Variants in APEH observed in about 807,000 individuals in gnomAD.
APEH encodes the protein acylamino-acid-releasing enzyme.
APEH carries 75 observed loss-of-function variants against 102.7 expected under a neutral mutation model. That is an observed-to-expected ratio of 0.73 (90% confidence interval 0.61 to 0.89). The LOEUF is 0.89. APEH is among the 40% of genes least tolerant of loss of function. The probability of loss-of-function intolerance (pLI) is 0.00; values close to 1 mark genes in which losing one functional copy is unlikely to be tolerated. For synonymous variants in APEH, 344 were observed against 362.7 expected, an observed-to-expected ratio of 0.95 and a Z score of 0.59; for missense variants, 863 against 941.2, an observed-to-expected ratio of 0.92 and a Z score of 1.09.
chr3:49,679,153 G>A lies in APEH; in HGVS notation c.1158+204G>A, dbSNP rs1024950060. 6.6e-6 allele frequency among the ~76,000 whole-genome samples: 1 copy of A among 152,120 alleles called. No homozygotes were observed. The highest frequency in any genetic ancestry group is 1.5e-5 in the Non-Finnish European group (1 of 68,010). ...ACCACAGCAGAACTCAGGCCTTTTCGTCTGAGGCAGAGATGCAACCCCTCC... is the reference window on the plus strand; with the variant it reads ...ACCACAGCAGAACTCAGGCCTTTTCATCTGAGGCAGAGATGCAACCCCTCC... On this transcript the variant is annotated intron_variant, in intron 12 of 21. Transcript: ENST00000296456. This position sits in a 1 kb window ranked among gnomAD's most constrained non-coding sequence, Gnocchi z 4.3.
Position 49,675,308 on chromosome 3 carries a change from G to A in APEH, c.271G>A (p.Glu91Lys). The A allele has an allele frequency of 6.2e-7, 1 of 1,613,640 alleles. No homozygotes were observed. The change falls in exon 3 of 22, where the codon GAA becomes AAA. Residue 91 changes from glutamate to lysine, a missense_variant and splice_region_variant. Glu to Lys is a moderately conservative substitution (Grantham distance 56). Coordinates refer to ENST00000296456, the MANE Select transcript of APEH (RefSeq NM_001640.4). ...PAGNSVETRG[E>K]LLSRESPSGT... ...AGGCAACAGTGTGGAGACCCGGGGG[G>A]AGTAAGTTTGAGGGAGGAAGCTTGT...
At position 49,676,115 on chromosome 3, in the gene APEH, A is replaced by C. The variant is rs757440528; in HGVS notation, c.502A>C (p.Lys168Gln). The part of the protein sequence containing the change: ...SETHLLYVAE[K>Q]KRPKAESFFQ... ...GACACACTTGTTGTATGTGGCAGAGAAGAAGCGCCCCAAGGCCGAGTCCTT... is the reference window on the plus strand; with the variant it reads ...GACACACTTGTTGTATGTGGCAGAGCAGAAGCGCCCCAAGGCCGAGTCCTT... Residue 168 changes from lysine to glutamine, a missense_variant, in exon 6 of 22, where the codon AAG becomes CAG. By Grantham distance (53) the Lys-to-Gln change is moderately conservative. Coordinates refer to ENST00000296456, the MANE Select transcript of APEH (RefSeq NM_001640.4). 2 of 1,614,200 alleles carry C rather than the reference A, an allele frequency of 1.2e-6. No individual in the cohort carries two copies. The highest frequency in any genetic ancestry group is 8.5e-7 in the Non-Finnish European group (1 of 1,180,034).
At chr3:49,680,951 A>G (rs2053291640) in intron 14 of APEH, 150 bp from the exon 15 acceptor site, 1 of 1,026,308 alleles carries the variant, frequency 9.7e-7, no homozygotes, top group Non-Finnish European at 1.4e-6. Flanking sequence ...ACCTTGGTAT[A>G]TACCATCCCA....
At position 49,676,365 on chromosome 3, in the gene APEH, C is replaced by T; in HGVS notation, c.607-13C>T. The T allele has an allele frequency of 6.2e-7, 1 of 1,614,122 alleles. No homozygotes were observed. The highest frequency in any genetic ancestry group is 8.5e-7 in the Non-Finnish European group (1 of 1,180,038). On this transcript the variant is annotated splice_polypyrimidine_tract_variant and intron_variant, in intron 6 of 21. Transcript: ENST00000296456. ...TATAGACAGGCTGGGCATTGAGTAT[C>T]TTGTGTTCTCAGGGGGATCAGTTTG...
At chr3:49,677,159 A>G in intron 10 of APEH, 135 bp downstream of exon 10, 1 of 1,305,580 alleles carries the variant, frequency 7.7e-7, no homozygotes. Context: ...CAGCGGTGTG[A>G]GTTCTGCCTG....
intron 14 of APEH, 89 bp downstream of exon 14, chr3:49,680,718 C>A: frequency 2.4e-6 from 3 of 1,226,800 alleles, no homozygotes; most frequent in Non-Finnish European, 3.5e-6. Context: ...AGAGTCTGAC[C>A]TGGCTGGTCA....
chr3:49,683,040 G>T lies in APEH; in HGVS notation c.1987G>T (p.Val663Leu). The T allele has an allele frequency of 6.2e-7, 1 of 1,613,908 alleles. No individual in the cohort carries two copies. The highest frequency in any genetic ancestry group is 1.3e-5 in the African/African-American group (1 of 75,024). Residue 663 changes from valine to leucine, a missense_variant and splice_region_variant, in exon 21 of 22, where the codon GTG becomes TTG. Physicochemically the swap from Val to Leu is conservative, Grantham distance 32 (BLOSUM62 1). Transcript: ENST00000296456. The stretch of plus-strand genomic sequence containing the variant: ...TCCCCACTCTTCCCCAAACACCCAG[G>T]TGAAGACACCACTGTTACTGATGTT... ...DKSPIRYIPQ[V>L]KTPLLLMLGQ...
intron 11 of APEH, among the ~76,000 whole-genome samples, chr3:49,678,546 T>C (rs755750509): frequency 1.3e-5 from 2 of 152,206 alleles, no homozygotes; most frequent in Non-Finnish European, 2.9e-5. Flanking sequence ...GGTACCTACC[T>C]GGGTTCAACT....
rs2053198327 is a variant in APEH at position 49,679,009 on chromosome 3, G to T, written c.1158+60G>T. On this transcript the variant is annotated intron_variant, in intron 12 of 21. Transcript: ENST00000296456. This position sits in a 1 kb window ranked among gnomAD's most constrained non-coding sequence, Gnocchi z 4.3. ...TGTGGTCAACCCCCAGGAGCCCTGG[G>T]GGTTGCATGTGCATGCCCCTGGGTG... 1 of 1,435,512 alleles carries T rather than the reference G, an allele frequency of 7.0e-7. No individual in the cohort carries two copies. The highest frequency in any genetic ancestry group is 9.7e-7 in the Non-Finnish European group (1 of 1,026,652). The allele number at this position is 1,435,512 out of a possible 1,614,324, so 88.9% of individuals were successfully genotyped here. A position where few individuals can be genotyped will look rare whatever the true frequency, so the allele number is the denominator to read the frequency against.
Position 49,683,436 on chromosome 3 carries a change from C to A in APEH, c.*94C>A. On this transcript the variant is annotated 3_prime_UTR_variant, in exon 22 of 22. Transcript: ENST00000296456. ...GCAGGGCAGCAGGAGGCTTTCTGGG[C>A]TCTGGACTCCACGGATGCGTGGGCA... 1.8e-6 allele frequency: 2 copies of A among 1,082,138 alleles called. No homozygotes were observed. The highest frequency in any genetic ancestry group is 1.4e-6 in the Non-Finnish European group (1 of 701,792). 67.0% of individuals were successfully genotyped at this position (1,082,138 alleles called of 1,614,324 possible).
Position 49,683,351 on chromosome 3 carries a change from C to T in APEH, c.*9C>T, listed in dbSNP as rs2053445588. 5.0e-6 allele frequency: 8 copies of T among 1,602,814 alleles called. No individual in the cohort carries two copies. Among genetic ancestry groups the T allele is most frequent in the Non-Finnish European group, 4.3e-6 (5 of 1,170,104 alleles). On this transcript the variant is annotated 3_prime_UTR_variant, in exon 22 of 22. Transcript: ENST00000296456. The stretch of plus-strand genomic sequence containing the variant: ...CACACTTGGGCAGCTGAAGCCCTGC[C>T]ATTCTGCATGAGCTGATCAGCCTGT...
intron 15 of APEH, 133 bp downstream of exon 15, chr3:49,681,372 C>T: frequency 9.0e-7 from 1 of 1,106,836 alleles, no homozygotes; most frequent in Non-Finnish European, 1.2e-6. Context: ...TTCTGTTCCT[C>T]TTGTGGATGG....
chr3:49,681,670 A>T, intron 15 of APEH, 52 bp from the exon 16 acceptor site: 2 of 1,426,962 alleles, frequency 1.4e-6, no homozygotes, highest in Non-Finnish European at 1.9e-6. Flanking sequence ...ATGGGGCCTT[A>T]GTTGGGGAAG....
At position 49,681,762 on chromosome 3, in the gene APEH, C is replaced by G; in HGVS notation, c.1479C>G (p.Ser493Arg). The G allele has an allele frequency of 6.2e-7, 1 of 1,607,224 alleles. No individual in the cohort carries two copies. The highest frequency in any genetic ancestry group is 1.1e-5 in the South Asian group (1 of 90,216). The change falls in exon 16 of 22, where the codon AGC becomes AGG. Residue 493 changes from serine (S) to arginine (R), a missense_variant. Transcript: ENST00000296456. ...DFEAILLQPG[S>R]PPDKTQVPMV... ...AAGCAATCCTGCTGCAGCCTGGCAG[C>G]CCTCCAGATAAGACCCAAGTGCCCA...
Position 49,680,538 on chromosome 3 carries a change from C to T in APEH, c.1211-3C>T. On this transcript the variant is annotated splice_polypyrimidine_tract_variant and splice_region_variant and intron_variant, in intron 13 of 21. Transcript: ENST00000296456. ...AGCACTTAATGGCATCTGCCTTTTC[C>T]AGGAGGGTCAGGTGGGAGCTGGAAG... is the stretch of plus-strand genomic sequence containing the variant. 6.2e-7 allele frequency: 1 copy of T among 1,613,902 alleles called. No homozygotes were observed. The highest frequency in any genetic ancestry group is 8.5e-7 in the Non-Finnish European group (1 of 1,179,870).
intron 3 of APEH, 107 bp from the exon 4 acceptor site, chr3:49,675,587 G>T: frequency 2.5e-6 from 3 of 1,186,836 alleles, no homozygotes; most frequent in Non-Finnish European, 3.7e-6. Flanking sequence ...TCCAGAAGCT[G>T]GTGTGGGGCC....
At position 49,683,329 on chromosome 3, in the gene APEH, A is replaced by G; in HGVS notation, c.2186A>G (p.His729Arg). Residue 729 changes from histidine (H) to arginine (R), a missense_variant, in exon 22 of 22, where the codon CAC becomes CGC. By Grantham distance (29) the His-to-Arg change is conservative (BLOSUM62 0). Transcript: ENST00000296456. The part of the protein sequence containing the change: ...FMNAVLWLRT[H>R]LGS ...AATGCTGTGCTCTGGCTACGCACAC[A>G]CTTGGGCAGCTGAAGCCCTGCCATT... is the stretch of plus-strand genomic sequence containing the variant. 1 of 1,612,902 alleles carries G rather than the reference A, an allele frequency of 6.2e-7. No individual in the cohort carries two copies. The highest frequency in any genetic ancestry group is 8.5e-7 in the Non-Finnish European group (1 of 1,179,190).
At chr3:49,674,180 G>A, upstream of APEH, 2 of 597,034 alleles carry the variant, frequency 3.3e-6, no homozygotes, top group South Asian at 2.1e-5. Context: ...CGAGACCCCT[G>A]CTCTCACCCA....
chr3:49,683,950 A>G lies in APEH; in HGVS notation c.*608A>G. The G allele has an allele frequency of 6.4e-7, 1 of 1,557,328 alleles. No individual in the cohort carries two copies. The highest frequency in any genetic ancestry group is 1.2e-5 in the South Asian group (1 of 80,980). ...AGCAAAGGCTAAGAAGCATCTGTAC[A>G]GGCATAAAGAGGAAACATGGCTTTA... is the stretch of plus-strand genomic sequence containing the variant. On this transcript the variant is annotated 3_prime_UTR_variant, in exon 22 of 22. Coordinates refer to ENST00000296456, the MANE Select transcript of APEH (RefSeq NM_001640.4).
Sources: allele counts gnomAD v4.1 joint callset (sites outside exome capture counted in the v4.1 genomes callset), GRCh38; gene constraint gnomAD v4.1.1; non-coding constraint Gnocchi (gnomAD v3.1); transcripts MANE v1.5; gene names NCBI Gene and HGNC (gene_info 2026-07-23, HGNC 2026-07-21).